GRIN2A: variants seen among roughly 807,000 people sequenced by gnomAD.
GRIN2A encodes the protein glutamate receptor ionotropic, NMDA 2A.
A neutral mutation model predicts 113.4 loss-of-function variants in GRIN2A; 22 were observed. The observed-to-expected ratio is 0.19, with a 90% CI of 0.14 to 0.28. The LOEUF is 0.28. Ranked by LOEUF, GRIN2A falls within the 10% of genes least tolerant of loss-of-function variation. The probability of loss-of-function intolerance (pLI) is 1.00; values close to 1 mark genes in which losing one functional copy is unlikely to be tolerated. For synonymous variants in GRIN2A, 827 were observed against 738.4 expected, an observed-to-expected ratio of 1.12 and a Z score of -1.94; for missense variants, 1,502 against 1,887.0, an observed-to-expected ratio of 0.80 and a Z score of 3.78.
intron 11 of GRIN2A, among the ~76,000 whole-genome samples, chr16:9,784,462 C>A (rs55944109): frequency 0.3 from 42,675 of 143,924 alleles, 6,435 homozygotes; most frequent in African/African-American, 0.32. Context: ...AACAAACAAA[C>A]AAAAAACCTA....
intron 7 of GRIN2A, among the ~76,000 whole-genome samples, chr16:9,837,080 C>G (rs917105459): frequency 6.6e-6 from 1 of 152,086 alleles, no homozygotes; most frequent in Non-Finnish European, 1.5e-5. Context: ...AAATAATGAA[C>G]AGCAATAAAA....
chr16:10,119,998 G>A (rs1419395438), intron 2 of GRIN2A, among the ~76,000 whole-genome samples: 1 of 152,160 alleles, frequency 6.6e-6, no homozygotes, highest in African/African-American at 2.4e-5. Flanking sequence ...GGGCGTTTAG[G>A]TGGATTCCAT....
At chr16:10,021,251 A>G (rs554245410) in intron 2 of GRIN2A, among the ~76,000 whole-genome samples, 2 of 152,344 alleles carry the variant, frequency 1.3e-5, no homozygotes, top group South Asian at 2.1e-4. Context: ...CTGGTCAATG[A>G]CGGCTCTATT....
At chr16:10,138,003 T>G (rs1455815732) in intron 2 of GRIN2A, among the ~76,000 whole-genome samples, 4 of 152,208 alleles carry the variant, frequency 2.6e-5, no homozygotes, top group Non-Finnish European at 5.9e-5. Flanking sequence ...GAAGCCAGAT[T>G]CCAAATTTGG....
At chr16:9,766,555 C>T (rs867119325) in intron 12 of GRIN2A, among the ~76,000 whole-genome samples, 1 of 152,102 alleles carries the variant, frequency 6.6e-6, no homozygotes, top group Non-Finnish European at 1.5e-5. Flanking sequence ...TATCTGTGGT[C>T]TCCTTCTATA....
intron 9 of GRIN2A, among the ~76,000 whole-genome samples, chr16:9,828,957 T>C (rs2042436986): frequency 6.6e-6 from 1 of 152,206 alleles, no homozygotes; most frequent in Non-Finnish European, 1.5e-5. Flanking sequence ...AGAGGAGCTG[T>C]CAGATAATTT....
At chr16:10,127,959 G>A (rs941683165) in intron 2 of GRIN2A, among the ~76,000 whole-genome samples, 2 of 152,128 alleles carry the variant, frequency 1.3e-5, no homozygotes, top group Non-Finnish European at 2.9e-5. Flanking sequence ...TTAGAGTGGG[G>A]GCTTAGAATC....
At chr16:10,059,669 A>C (rs1351994661) in intron 2 of GRIN2A, among the ~76,000 whole-genome samples, 1 of 150,930 alleles carries the variant, frequency 6.6e-6, no homozygotes, top group Admixed American at 6.6e-5. Context: ...TTTCTCCTGT[A>C]GCTAATGAAG....
At chr16:10,117,957 G>A (rs1280149276) in intron 2 of GRIN2A, among the ~76,000 whole-genome samples, 1 of 152,128 alleles carries the variant, frequency 6.6e-6, no homozygotes, top group African/African-American at 2.4e-5. Flanking sequence ...AAGTGACTTG[G>A]TCTGAACAAT....
intron 2 of GRIN2A, among the ~76,000 whole-genome samples, chr16:10,080,700 A>G (rs572181040): frequency 3.9e-5 from 6 of 152,300 alleles, no homozygotes; most frequent in African/African-American, 1.4e-4. Flanking sequence ...TACTTAAAGC[A>G]ATATCACCCT....
intron 10 of GRIN2A, among the ~76,000 whole-genome samples, chr16:9,802,057 G>C (rs1903394638): frequency 6.6e-6 from 1 of 152,140 alleles, no homozygotes; most frequent in Non-Finnish European, 1.5e-5. Context: ...TTATTAAAAA[G>C]TCAAAAAATA....
intron 10 of GRIN2A, among the ~76,000 whole-genome samples, chr16:9,806,759 AAGAGAAAAAAGGGGGGAAAGAAAG>A (rs1272444746): frequency 7.2e-5 from 11 of 152,088 alleles, no homozygotes; most frequent in Non-Finnish European, 1.2e-4. Context: ...GCAAGAAACT[AAGAGAAAAAAGGGGGGAAAGAAAG>A]AGAGAAAAAG....
At chr16:9,915,845 G>A (rs1290577341) in intron 3 of GRIN2A, among the ~76,000 whole-genome samples, 1 of 152,186 alleles carries the variant, frequency 6.6e-6, no homozygotes, top group East Asian at 1.9e-4. Flanking sequence ...TACATGACAG[G>A]TTTGTTGTGA....
rs183161197 is a variant in GRIN2A at position 9,898,419 on chromosome 16, A to G, written c.1008-7319T>C. Among the ~76,000 whole-genome samples the G allele has an allele frequency of 3.4e-4, 51 of 152,146 alleles. 3 individuals are homozygous for G. In the East Asian group the frequency reaches 4.2e-3, roughly 13 times the overall value. Reference sequence around the variant, plus strand: ...GACTTAAAATATCTCATTCCTCCAGATTTCTATTTTATCTCTTTCGTCTTA... The same window carrying G: ...GACTTAAAATATCTCATTCCTCCAGGTTTCTATTTTATCTCTTTCGTCTTA... On this transcript the variant is annotated intron_variant, in intron 3 of 12. Transcript: ENST00000330684.
chr16:10,039,802 G>GAGGGTGGGGGAGGGGGA (rs1555469289), intron 2 of GRIN2A, among the ~76,000 whole-genome samples: 1 of 56,142 alleles, frequency 1.8e-5, no homozygotes, highest in Non-Finnish European at 3.2e-5. Flanking sequence ...GGGAGGGGGA[G>GAGGGTGGGGGAGGGGGA]GGGGGGGAGA....
chr16:9,817,521 G>A (rs533109843), intron 10 of GRIN2A, among the ~76,000 whole-genome samples: 5 of 152,208 alleles, frequency 3.3e-5, no homozygotes, highest in Non-Finnish European at 4.4e-5. Flanking sequence ...TGGTTTGTCT[G>A]AGTCTTCCTA....
intron 7 of GRIN2A, among the ~76,000 whole-genome samples, chr16:9,836,423 G>C (rs1004784576): frequency 6.6e-6 from 1 of 152,222 alleles, no homozygotes; most frequent in Non-Finnish European, 1.5e-5. Context: ...TTAAACATTA[G>C]AAGGGACCAT....
intron 2 of GRIN2A, among the ~76,000 whole-genome samples, chr16:10,176,719 T>C (rs1282722808): frequency 7.3e-6 from 1 of 136,826 alleles, no homozygotes; most frequent in African/African-American, 2.7e-5. Context: ...GGAGGGGGGA[T>C]GGATAGCACT....
At chr16:10,021,468 C>G (rs1463006604) in intron 2 of GRIN2A, among the ~76,000 whole-genome samples, 1 of 152,174 alleles carries the variant, frequency 6.6e-6, no homozygotes, top group Non-Finnish European at 1.5e-5. Context: ...ACCGCAGACT[C>G]CAAGCTCTTC....
Sources: gnomAD v4.1 joint callset for allele counts (sites outside exome capture counted in the v4.1 genomes callset) on GRCh38, gnomAD v4.1.1 for gene constraint, MANE v1.5 for transcripts, NCBI Gene and HGNC (gene_info 2026-07-23, HGNC 2026-07-21) for gene names.